The following GPC5 variants were observed in gnomAD, a reference collection of about 807,000 sequenced individuals.
GPC5 encodes glypican 5, also known as glypican-5.
A neutral mutation model predicts 53.9 loss-of-function variants in GPC5; 47 were observed. The observed-to-expected ratio is 0.87, with a 90% confidence interval of 0.69 to 1.11. The LOEUF is 1.11. Among genes scored for constraint, GPC5 ranks in the 50% most tolerant of loss-of-function variants. GPC5 has a pLI of 0.00. For missense variants in GPC5, 748 were observed against 713.1 expected, an observed-to-expected ratio of 1.05 and a Z score of -0.56; for synonymous variants, 286 against 263.3, an observed-to-expected ratio of 1.09 and a Z score of -0.84.
chr13:92,260,719 G>C (rs1029191296), intron 7 of GPC5, among the ~76,000 whole-genome samples: 2 of 152,110 alleles, frequency 1.3e-5, no homozygotes, highest in African/African-American at 2.4e-5. Flanking sequence ...CTTTCCTCCT[G>C]TCTCTTCTCA....
chr13:92,657,369 C>A (rs1886170372), intron 7 of GPC5, among the ~76,000 whole-genome samples: 1 of 152,134 alleles, frequency 6.6e-6, no homozygotes, highest in African/African-American at 2.4e-5. Flanking sequence ...CTCAGCCTGG[C>A]TCTCAGTTCT....
chr13:91,910,126 G>C (rs1369121445), intron 6 of GPC5, among the ~76,000 whole-genome samples: 1 of 152,152 alleles, frequency 6.6e-6, no homozygotes, highest in African/African-American at 2.4e-5. Flanking sequence ...GTCTTGCACA[G>C]GTGTCACTGA....
chr13:92,599,140 A>G (rs1883966606), intron 7 of GPC5, among the ~76,000 whole-genome samples: 1 of 152,220 alleles, frequency 6.6e-6, no homozygotes, highest in African/African-American at 2.4e-5. Context: ...TTGTAGACCC[A>G]GATGTTAAAT....
chr13:92,170,361 T>C (rs2042060683), intron 7 of GPC5, among the ~76,000 whole-genome samples: 2 of 151,562 alleles, frequency 1.3e-5, no homozygotes, highest in South Asian at 4.1e-4. Flanking sequence ...TACATTTTTT[T>C]CTAAGATAGG....
intron 6 of GPC5, among the ~76,000 whole-genome samples, chr13:91,953,503 GA>G (rs2040045966): frequency 6.6e-6 from 1 of 151,876 alleles, no homozygotes. Context: ...TCAATCAAGG[GA>G]AAAATGATAG....
chr13:91,943,516 A>G (rs2039947331), intron 6 of GPC5, among the ~76,000 whole-genome samples: 1 of 152,160 alleles, frequency 6.6e-6, no homozygotes, highest in Non-Finnish European at 1.5e-5. Context: ...GTGATTGATG[A>G]ATTTTTACTG....
intron 7 of GPC5, among the ~76,000 whole-genome samples, chr13:92,383,500 C>A (rs2043767286): frequency 6.6e-6 from 1 of 152,044 alleles, no homozygotes; most frequent in African/African-American, 2.4e-5. Context: ...AAATGATAGA[C>A]GACTAAAACA....
chr13:91,508,382 C>T (rs539083502), intron 2 of GPC5, among the ~76,000 whole-genome samples: 15 of 152,056 alleles, frequency 9.9e-5, no homozygotes, highest in South Asian at 6.2e-4. Context: ...TATTGTTAGA[C>T]GAATAGTGGC....
At chr13:92,864,256 C>T (rs2138858305) in intron 7 of GPC5, among the ~76,000 whole-genome samples, 1 of 152,270 alleles carries the variant, frequency 6.6e-6, no homozygotes, top group African/African-American at 2.4e-5. Context: ...TTCCTTAGAA[C>T]TGTTACATTT....
chr13:91,466,997 T>A (rs1882282196), intron 2 of GPC5, among the ~76,000 whole-genome samples: 1 of 152,118 alleles, frequency 6.6e-6, no homozygotes, highest in Admixed American at 6.6e-5. Context: ...TTGAAATGCA[T>A]CCAAATCTGA....
chr13:92,149,137 A>G (rs898936157), intron 7 of GPC5, among the ~76,000 whole-genome samples: 1 of 152,020 alleles, frequency 6.6e-6, no homozygotes, highest in Admixed American at 6.6e-5. Flanking sequence ...GTGGTTTTCA[A>G]TCTTTGGATT....
At position 91,847,418 on chromosome 13, in the gene GPC5, T is replaced by C. The variant is rs945167656; in HGVS notation, c.1281-60519T>C. On this transcript the variant is annotated intron_variant, in intron 5 of 7. Transcript: ENST00000377067. The stretch of plus-strand genomic sequence containing the variant: ...ATAAGAAAAATTATGGGCTTTACTG[T>C]AAGTACATCATAGAGTTCAACTGAA... 1.9e-4 allele frequency among the ~76,000 whole-genome samples: 29 copies of C among 151,986 alleles called. 1 individual carries two copies.
chr13:91,565,097 C>G (rs1011436171), intron 2 of GPC5, among the ~76,000 whole-genome samples: 1 of 151,636 alleles, frequency 6.6e-6, no homozygotes, highest in African/African-American at 2.4e-5. Context: ...TCAAGCAATT[C>G]TCCTGCCTCA....
intron 2 of GPC5, among the ~76,000 whole-genome samples, chr13:91,562,005 A>C (rs1226991146): frequency 6.6e-6 from 1 of 152,072 alleles, no homozygotes. Flanking sequence ...AATTCAATAC[A>C]TATTTACTGA....
At chr13:92,817,999 C>T (rs1877535898) in intron 7 of GPC5, among the ~76,000 whole-genome samples, 2 of 149,226 alleles carry the variant, frequency 1.3e-5, no homozygotes, top group Admixed American at 1.3e-4. Flanking sequence ...GGACATCTTG[C>T]CTAAATTGCA....
intron 2 of GPC5, among the ~76,000 whole-genome samples, chr13:91,668,079 T>C (rs139587342): frequency 1.3e-5 from 2 of 152,234 alleles, no homozygotes; most frequent in Non-Finnish European, 2.9e-5. Context: ...AAATATCTGG[T>C]ATTTCAATAT....
Position 91,738,349 on chromosome 13 carries a change from G to T in GPC5, c.1154+9684G>T, listed in dbSNP as rs553830397. Among the ~76,000 whole-genome samples the T allele has an allele frequency of 1.4e-4, 21 of 151,330 alleles. No individual in the cohort carries two copies. In the East Asian group the frequency reaches 3.5e-3, roughly 25 times the overall value. ...CTGGTCTCCTACAGTTATATTTTGG[G>T]GTGTTGTGTCCTATGCACATGGTTA... On this transcript the variant is annotated intron_variant, in intron 4 of 7. Coordinates refer to ENST00000377067, the MANE Select transcript of GPC5 (RefSeq NM_004466.6).
At chr13:91,467,493 A>G (rs535027546) in intron 2 of GPC5, among the ~76,000 whole-genome samples, 26 of 152,070 alleles carry the variant, frequency 1.7e-4, no homozygotes, top group African/African-American at 5.5e-4. Flanking sequence ...TCTCATTCTT[A>G]TGCTTTCCTT....
chr13:92,257,546 A>ATTT lies in GPC5; in HGVS notation c.1561+112576_1561+112578dup, dbSNP rs398023955. ...AGTGAGAGAGGTTTCTAATACAGGG[A>ATTT]TTTTTTTTTTTTTTTTTTTTTGGGG... On this transcript the variant is annotated intron_variant, in intron 7 of 7. Coordinates refer to ENST00000377067, the MANE Select transcript of GPC5 (RefSeq NM_004466.6). Among the ~76,000 whole-genome samples, 27 of 72,938 alleles carry ATTT rather than the reference A, an allele frequency of 3.7e-4. 4 individuals carry two copies. The highest frequency in any genetic ancestry group is 1.1e-3 in the South Asian group (2 of 1,762). The allele number at this position is 72,938 out of a possible 152,430, so 47.9% of individuals were successfully genotyped here.
Sources: gnomAD v4.1 joint callset for allele counts (sites outside exome capture counted in the v4.1 genomes callset) on GRCh38, gnomAD v4.1.1 for gene constraint, MANE v1.5 for transcripts, NCBI Gene and HGNC (gene_info 2026-07-23, HGNC 2026-07-21) for gene names.